Variants in USP42 observed in about 807,000 individuals in gnomAD.
The protein encoded by USP42 is ubiquitin specific peptidase 42, also known as ubiquitin carboxyl-terminal hydrolase 42.
USP42 carries 23 observed loss-of-function variants against 113.0 expected under a neutral mutation model. The ratio of observed to expected loss-of-function variants is 0.20; its 90% CI spans 0.15 to 0.29. USP42 has a LOEUF of 0.29. Among genes scored for constraint, USP42 ranks in the 10% least tolerant of loss-of-function variants. The probability of loss-of-function intolerance (pLI) is 1.00; values close to 1 mark genes in which losing one functional copy is unlikely to be tolerated. For missense variants in USP42, 2,174 were observed against 1,779.8 expected, an observed-to-expected ratio of 1.22 and a Z score of -3.99; for synonymous variants, 933 against 699.0, an observed-to-expected ratio of 1.33 and a Z score of -5.28.
chr7:6,144,178 C>G lies in USP42; in HGVS notation c.972C>G (p.Thr324=). The change falls in exon 9 of 18, where the codon ACC becomes ACG. Residue 324 remains threonine, a synonymous_variant. Transcript: ENST00000306177. ...TLSLKRFANF[T]GGKIAKDVKY... ...CTCTGAAACGTTTTGCAAATTTTACCGGTGGAAAAATTGCTAAGGTATGTG... is the reference window on the plus strand; with the variant it reads ...CTCTGAAACGTTTTGCAAATTTTACGGGTGGAAAAATTGCTAAGGTATGTG... 1 of 1,590,630 alleles carries G rather than the reference C, an allele frequency of 6.3e-7. No individual in the cohort carries two copies. Among genetic ancestry groups the G allele is most frequent in the Non-Finnish European group, 8.5e-7 (1 of 1,171,738 alleles).
At chr7:6,123,671 A>C (rs2128488685) in intron 3 of USP42, among the ~76,000 whole-genome samples, 1 of 151,986 alleles carries the variant, frequency 6.6e-6, no homozygotes, top group Non-Finnish European at 1.5e-5. Context: ...AAAAAATAAA[A>C]AATAAATAAA....
Position 6,161,472 on chromosome 7 carries a change from T to A in USP42, c.*954T>A, listed in dbSNP as rs1782788430. On this transcript the variant is annotated 3_prime_UTR_variant, in exon 18 of 18. Transcript: ENST00000306177. ...TTGTTCAGAGATGTTTAAAGTTTGATCTTTGTTTTTCTAAAGATTAAAAAA... is the reference window on the plus strand; with the variant it reads ...TTGTTCAGAGATGTTTAAAGTTTGAACTTTGTTTTTCTAAAGATTAAAAAA... 6.6e-6 allele frequency: 1 copy of A among 152,636 alleles called. No homozygotes were observed. The highest frequency in any genetic ancestry group is 1.5e-5 in the Non-Finnish European group (1 of 68,042). The allele number at this position is 152,636 out of a possible 1,614,324, so 9.5% of individuals were successfully genotyped here.
At chr7:6,105,180 A>G (rs1779194037) in intron 1 of USP42, 148 bp downstream of exon 1, 2 of 141,654 alleles carry the variant, frequency 1.4e-5, no homozygotes, top group Admixed American at 6.9e-5. Flanking sequence ...CTCCCCCTAC[A>G]CAGCCGCGGG....
chr7:6,150,144 G>A lies in USP42; in HGVS notation c.1948G>A (p.Glu650Lys), dbSNP rs768025963. ...CGAAGATGAGGAGGCCACTCCGCAC[G>A]AGCTTCAAGAACCCATGACCCTAAA... ...DAEDEEATPH[E>K]LQEPMTLNGA... The change falls in exon 13 of 18, where the codon GAG becomes AAG. Residue 650 changes from glutamate to lysine, a missense_variant. Transcript: ENST00000306177. The A allele has an allele frequency of 1.2e-5, 19 of 1,613,646 alleles. No homozygotes were observed. The South Asian group carries it at 1.2e-4, about 10-fold the overall frequency.
At chr7:6,156,690 TC>T in intron 15 of USP42, 63 bp from the exon 16 acceptor site, 1 of 1,470,388 alleles carries the variant, frequency 6.8e-7, no homozygotes, top group Non-Finnish European at 9.0e-7. Flanking sequence ...AAGGCCAAGC[TC>T]CAGGGTCTGC....
At chr7:6,136,722 A>C (rs1315864045) in intron 4 of USP42, among the ~76,000 whole-genome samples, 1 of 152,202 alleles carries the variant, frequency 6.6e-6, no homozygotes, top group African/African-American at 2.4e-5. Flanking sequence ...CTCTGGACAC[A>C]CTGCCTGTGG....
chr7:6,121,986 A>G (rs1266776101), intron 3 of USP42, among the ~76,000 whole-genome samples: 1 of 152,230 alleles, frequency 6.6e-6, no homozygotes, highest in Non-Finnish European at 1.5e-5. Context: ...CAATCTGACC[A>G]GAAGTTTTTT....
chr7:6,139,110 G>A lies in USP42; in HGVS notation c.572G>A (p.Arg191His), dbSNP rs763773392. 1.9e-5 allele frequency: 31 copies of A among 1,608,582 alleles called. No homozygotes were observed. The highest frequency in any genetic ancestry group is 1.6e-4 in the Middle Eastern group (1 of 6,080). Residue 191 changes from arginine (R) to histidine (H), a missense_variant, in exon 5 of 18, where the codon CGT (arginine) becomes CAT (histidine). Arg to His is a conservative substitution (Grantham distance 29). Transcript: ENST00000306177. This position sits in a 1 kb window ranked among gnomAD's most constrained non-coding sequence, Gnocchi z 4.5. ...NEMRRIARHF[R>H]FGNQEDAHEF... ...TTTACAGGTATAGCTAGGCACTTCC[G>A]TTTTGGAAACCAAGAAGATGCCCAT...
the USP42 span, among the ~76,000 whole-genome samples, chr7:6,083,571 T>C: frequency 6.6e-6 from 1 of 150,418 alleles, no homozygotes; most frequent in Non-Finnish European, 1.5e-5. Flanking sequence ...TACATATATA[T>C]GTATGTATAC....
At chr7:6,148,034 G>T in intron 12 of USP42, 142 bp downstream of exon 12, 1 of 922,938 alleles carries the variant, frequency 1.1e-6, no homozygotes, top group Non-Finnish European at 1.6e-6. Flanking sequence ...CTCTTACACA[G>T]TATTTCAAAT....
At chr7:6,107,034 TTA>T (rs1381352005) in intron 1 of USP42, among the ~76,000 whole-genome samples, 1 of 152,190 alleles carries the variant, frequency 6.6e-6, no homozygotes, top group Non-Finnish European at 1.5e-5. Context: ...TCAAGAAAGG[TTA>T]TGTGTGTAGC....
At position 6,150,135 on chromosome 7, in the gene USP42, A is replaced by G. The variant is rs757238382; in HGVS notation, c.1939A>G (p.Thr647Ala). 2 of 1,613,396 alleles carry G rather than the reference A, an allele frequency of 1.2e-6. No individual in the cohort carries two copies. Among genetic ancestry groups the G allele is most frequent in the East Asian group, 2.2e-5 (1 of 44,876 alleles). The stretch of plus-strand genomic sequence containing the variant: ...CCAAGATGCCGAAGATGAGGAGGCC[A>G]CTCCGCACGAGCTTCAAGAACCCAT... ...PGQDAEDEEA[T>A]PHELQEPMTL... The change falls in exon 13 of 18, where the codon ACT becomes GCT. Residue 647 changes from threonine to alanine, a missense_variant. Coordinates refer to ENST00000306177, the MANE Select transcript of USP42 (RefSeq NM_032172.3).
At chr7:6,134,652 G>C (rs1397765685) in intron 3 of USP42, among the ~76,000 whole-genome samples, 1 of 152,172 alleles carries the variant, frequency 6.6e-6, no homozygotes, top group Non-Finnish European at 1.5e-5. Context: ...ACTAGATGCT[G>C]CAGCATCACT....
At chr7:6,091,006 G>A in the USP42 span, among the ~76,000 whole-genome samples, 10 of 150,532 alleles carry the variant, frequency 6.6e-5, no homozygotes, top group African/African-American at 2.2e-4. Context: ...GACATATGAC[G>A]CCTATTCAGT....
the USP42 span, among the ~76,000 whole-genome samples, chr7:6,097,541 T>G: frequency 6.6e-6 from 1 of 150,664 alleles, no homozygotes; most frequent in Non-Finnish European, 1.5e-5. Flanking sequence ...CAAAGTGTTG[T>G]GATTACAAGC....
intron 8 of USP42, 139 bp downstream of exon 8, chr7:6,143,153 C>G (rs1017710020): frequency 2.5e-6 from 2 of 802,014 alleles, no homozygotes; most frequent in African/African-American, 1.7e-5. Flanking sequence ...TCCCTGTCGT[C>G]CAAAGGCGAG....
At chr7:6,138,347 T>A (rs892381968) in intron 4 of USP42, among the ~76,000 whole-genome samples, 1 of 152,252 alleles carries the variant, frequency 6.6e-6, no homozygotes, top group Non-Finnish European at 1.5e-5. Flanking sequence ...TAATTTCTTC[T>A]GTAGGTCATT....
chr7:6,085,624 A>ATATT, the USP42 span, among the ~76,000 whole-genome samples: 20 of 138,328 alleles, frequency 1.4e-4, no homozygotes, highest in South Asian at 6.6e-4. Context: ...ATATATATAT[A>ATATT]TTTTTTTTGA....
the USP42 span, among the ~76,000 whole-genome samples, chr7:6,098,337 C>T: frequency 1.3e-5 from 2 of 150,008 alleles, 1 homozygote; most frequent in Non-Finnish European, 3.0e-5. Context: ...CTTATCTGCT[C>T]CCCAGCCCTC....
Sources: allele counts gnomAD v4.1 joint callset (sites outside exome capture counted in the v4.1 genomes callset), GRCh38; gene constraint gnomAD v4.1.1; non-coding constraint Gnocchi (gnomAD v3.1); transcripts MANE v1.5; gene names NCBI Gene and HGNC (gene_info 2026-07-23, HGNC 2026-07-21).